Variants in ZNF618 observed in about 807,000 individuals in gnomAD.
ZNF618 encodes the protein zinc finger protein 618, also known as neural precursor cell expressed, developmentally down-regulated 10.
Under a neutral mutation model 103.0 loss-of-function variants are expected in ZNF618, and 34 were observed. The ratio of observed to expected loss-of-function variants is 0.33; its 90% CI spans 0.25 to 0.44. ZNF618 has a LOEUF of 0.44. ZNF618 is among the 20% of genes least tolerant of loss of function. ZNF618 has a pLI of 1.00. For synonymous variants in ZNF618, 551 were observed against 542.2 expected, an observed-to-expected ratio of 1.02 and a Z score of -0.23; for missense variants, 1,059 against 1,295.4, an observed-to-expected ratio of 0.82 and a Z score of 2.80.
chr9:114,023,278 C>T (rs1359172), intron 10 of ZNF618, among the ~76,000 whole-genome samples: 13,852 of 151,960 alleles, frequency 0.091, 751 homozygotes, highest in African/African-American at 0.15. Context: ...CTAGCCATAA[C>T]TCTTTTTCTT....
chr9:114,036,285 C>T lies in ZNF618; in HGVS notation c.1169-15C>T. On this transcript the variant is annotated splice_polypyrimidine_tract_variant and intron_variant, in intron 12 of 14. Transcript: ENST00000374126. ...GGTTCCACCCCTCACGTGGCTGCCG[C>T]ATTTCTCCCTCCAGAACCCTACACC... 6.4e-7 allele frequency: 1 copy of T among 1,561,686 alleles called. No individual in the cohort carries two copies. Among genetic ancestry groups the T allele is most frequent in the Non-Finnish European group, 8.7e-7 (1 of 1,152,446 alleles).
At chr9:114,016,939 C>A in intron 10 of ZNF618, 155 bp downstream of exon 10, 1 of 613,542 alleles carries the variant, frequency 1.6e-6, no homozygotes, top group South Asian at 2.0e-5. Context: ...GACCCAGGGC[C>A]ACCTGTCTAC....
chr9:113,920,476 A>T (rs1348096108), intron 1 of ZNF618, among the ~76,000 whole-genome samples: 1 of 146,178 alleles, frequency 6.8e-6, no homozygotes, highest in Non-Finnish European at 1.5e-5. Flanking sequence ...ATCTCGGTTC[A>T]TTGGAACTTC....
chr9:113,964,787 C>CT (rs1294982506), intron 1 of ZNF618, among the ~76,000 whole-genome samples: 11 of 131,316 alleles, frequency 8.4e-5, no homozygotes, highest in African/African-American at 3.2e-4. Context: ...GCTGCTATTC[C>CT]TTTAAGATTT....
At chr9:114,038,326 T>C (rs10121424) in intron 13 of ZNF618, among the ~76,000 whole-genome samples, 109,287 of 152,114 alleles carry the variant, frequency 0.72, 39,872 homozygotes, top group African/African-American at 0.83. Flanking sequence ...AGGTCTGAGC[T>C]TTGAGGTGGC....
chr9:114,016,625 G>A, intron 9 of ZNF618, 70 bp from the exon 10 acceptor site: 1 of 1,230,582 alleles, frequency 8.1e-7, no homozygotes, highest in Non-Finnish European at 1.2e-6. Flanking sequence ...TTTGGGGGGT[G>A]GGAGCACGCT....
intron 4 of ZNF618, among the ~76,000 whole-genome samples, chr9:114,001,479 A>C (rs1390727576): frequency 6.6e-6 from 1 of 152,140 alleles, no homozygotes; most frequent in African/African-American, 2.4e-5. Context: ...CTGAGGCTTC[A>C]TGCATCTAAG....
At chr9:114,005,409 A>T (rs1022143029) in intron 6 of ZNF618, among the ~76,000 whole-genome samples, 1 of 152,212 alleles carries the variant, frequency 6.6e-6, no homozygotes, top group Admixed American at 6.5e-5. Flanking sequence ...CATCCATGTC[A>T]AAGAGATGTC....
chr9:113,954,326 G>A (rs1458310083), intron 1 of ZNF618, among the ~76,000 whole-genome samples: 1 of 152,040 alleles, frequency 6.6e-6, no homozygotes, highest in African/African-American at 2.4e-5. Context: ...TTCTGGGCAG[G>A]GGGTTGAGGA....
In ZNF618 at chr9:114,050,434, G is replaced by T; in HGVS notation, c.*267G>T. The T allele has an allele frequency of 3.2e-6, 1 of 316,722 alleles. No homozygotes were observed. Among genetic ancestry groups the T allele is most frequent in the Admixed American group, 5.3e-5 (1 of 19,010 alleles). The allele number at this position is 316,722 out of a possible 1,614,324, so 19.6% of individuals were successfully genotyped here. On this transcript the variant is annotated 3_prime_UTR_variant, in exon 15 of 15. Transcript: ENST00000374126. ...TCATCTCCATGGCCAGAGAAACTTT[G>T]CACACACGCACACACACACACACAC...
At position 113,951,501 on chromosome 9, in the gene ZNF618, A is replaced by ACACACATATGTGTGTGTG. The variant is rs1835697463; in HGVS notation, c.34-17612_34-17611insCATATGTGTGTGTGCACA. Among the ~76,000 whole-genome samples the ACACACATATGTGTGTGTG allele has an allele frequency of 2.8e-5, 2 of 70,842 alleles. 1 individual carries two copies. The highest frequency in any genetic ancestry group is 9.7e-4 in the South Asian group (2 of 2,070). The allele number at this position is 70,842 out of a possible 152,430, so 46.5% of individuals were successfully genotyped here. ...TGTACACATATATGTGTGTATGTGT[A>ACACACATATGTGTGTGTG]CACATATATGTGTGTATATGTACAC... On this transcript the variant is annotated intron_variant, in intron 1 of 14. Transcript: ENST00000374126.
chr9:113,923,880 C>T (rs907779222), intron 1 of ZNF618, among the ~76,000 whole-genome samples: 2 of 151,974 alleles, frequency 1.3e-5, no homozygotes, highest in Non-Finnish European at 2.9e-5. Context: ...TGATTGGGCA[C>T]CCTTAATCCA....
At chr9:113,891,733 A>G (rs1169007332) in intron 1 of ZNF618, among the ~76,000 whole-genome samples, 1 of 152,230 alleles carries the variant, frequency 6.6e-6, no homozygotes, top group Non-Finnish European at 1.5e-5. Flanking sequence ...ATGAATGGAT[A>G]AACAAAATAT....
intron 1 of ZNF618, among the ~76,000 whole-genome samples, chr9:113,918,322 C>T (rs1832314499): frequency 6.6e-6 from 1 of 152,178 alleles, no homozygotes; most frequent in Admixed American, 6.5e-5. Context: ...CAGGTTCCTT[C>T]TCTGTAAAGT....
chr9:114,004,541 C>T (rs748440160), intron 6 of ZNF618, among the ~76,000 whole-genome samples: 1 of 152,232 alleles, frequency 6.6e-6, no homozygotes, highest in Non-Finnish European at 1.5e-5. Context: ...CCGTTGTCCG[C>T]GGGCTTGCTG....
intron 1 of ZNF618, among the ~76,000 whole-genome samples, chr9:113,937,138 T>C (rs766115018): frequency 1.2e-4 from 19 of 152,346 alleles, no homozygotes; most frequent in African/African-American, 3.8e-4. Flanking sequence ...GAAAAACTTA[T>C]TTCGACATAA....
At chr9:114,047,847 G>A in intron 13 of ZNF618, 46 bp from the exon 14 acceptor site, 2 of 1,517,974 alleles carry the variant, frequency 1.3e-6, no homozygotes, top group Non-Finnish European at 1.8e-6. Flanking sequence ...TCCTCAACAG[G>A]CCTCTTACCC....
rs1846302304 is a variant in ZNF618, at chr9:114,054,022, A to G, written c.*3855A>G. 6.6e-6 allele frequency: 1 copy of G among 152,580 alleles called. No homozygotes were observed. The highest frequency in any genetic ancestry group is 2.4e-5 in the African/African-American group (1 of 41,430). The allele number at this position is 152,580 out of a possible 1,614,324, so 9.5% of individuals were successfully genotyped here. A position where few individuals can be genotyped will look rare whatever the true frequency, so the allele number is the denominator to read the frequency against. ...AGATGAGAAGCTGTGAGTCTCCAGG[A>G]TTCAAGGAAGCCACCAGGTGTGCAG... is the stretch of plus-strand genomic sequence containing the variant. On this transcript the variant is annotated 3_prime_UTR_variant, in exon 15 of 15. Coordinates refer to ENST00000374126, the MANE Select transcript of ZNF618 (RefSeq NM_001318042.2).
chr9:113,882,714 T>A (rs952534674), intron 1 of ZNF618, among the ~76,000 whole-genome samples: 3 of 152,210 alleles, frequency 2.0e-5, no homozygotes, highest in Admixed American at 2.0e-4. Context: ...TCTGAGCCTG[T>A]GGCAAGGCTT....
Sources: allele counts gnomAD v4.1 joint callset (sites outside exome capture counted in the v4.1 genomes callset), GRCh38; gene constraint gnomAD v4.1.1; transcripts MANE v1.5; gene names NCBI Gene and HGNC (gene_info 2026-07-23, HGNC 2026-07-21).